SLC4A1AP: variants seen among roughly 807,000 people sequenced by gnomAD.
SLC4A1AP encodes kanadaptin.
Under a neutral mutation model 89.7 loss-of-function variants are expected in SLC4A1AP, and 64 were observed. The observed-to-expected ratio is 0.71, with a 90% CI of 0.58 to 0.88. SLC4A1AP has a LOEUF of 0.88. SLC4A1AP is among the 40% of genes least tolerant of loss of function. The probability of loss-of-function intolerance (pLI) is 0.00; values close to 1 mark genes in which losing one functional copy is unlikely to be tolerated. For missense variants in SLC4A1AP, 931 were observed against 965.0 expected, an observed-to-expected ratio of 0.96 and a Z score of 0.47; for synonymous variants, 366 against 353.3, an observed-to-expected ratio of 1.04 and a Z score of -0.40.
At chr2:27,670,586 G>C (rs1392279758) in intron 5 of SLC4A1AP, among the ~76,000 whole-genome samples, 2 of 151,708 alleles carry the variant, frequency 1.3e-5, no homozygotes, top group Non-Finnish European at 2.9e-5. Context: ...GCCGGGCGCG[G>C]TTGCTCACGC....
chr2:27,681,711 T>A (rs1675622706), intron 8 of SLC4A1AP, among the ~76,000 whole-genome samples: 1 of 152,104 alleles, frequency 6.6e-6, no homozygotes, highest in Non-Finnish European at 1.5e-5. Flanking sequence ...TTTCTAACTA[T>A]CTCCAGCCGT....
At position 27,669,238 on chromosome 2, in the gene SLC4A1AP, A is replaced by G. The variant is rs1482187164; in HGVS notation, c.1206-10A>G. 1 of 1,599,648 alleles carries G rather than the reference A, an allele frequency of 6.3e-7. No individual in the cohort carries two copies. Among genetic ancestry groups the G allele is most frequent in the South Asian group, 1.1e-5 (1 of 88,296 alleles). On this transcript the variant is annotated splice_polypyrimidine_tract_variant and intron_variant, in intron 4 of 13. Coordinates refer to ENST00000613058, the Ensembl canonical transcript of SLC4A1AP. ...AATGCTGTGCTATAATTCCCACCAA[A>G]TCAATGAAGATTACCTGTGGACGAT...
chr2:27,689,743 T>C (rs906661039), intron 12 of SLC4A1AP, among the ~76,000 whole-genome samples: 7 of 152,228 alleles, frequency 4.6e-5, no homozygotes, highest in Non-Finnish European at 1.0e-4. Context: ...TTAGGCACAA[T>C]GAGCCATTCT....
intron 5 of SLC4A1AP, among the ~76,000 whole-genome samples, chr2:27,671,345 AT>A (rs1314696675): frequency 8.5e-5 from 13 of 152,206 alleles, no homozygotes; most frequent in Non-Finnish European, 1.9e-4. Context: ...TTATGCAAAT[AT>A]TAGTTATAAC....
intron 5 of SLC4A1AP, among the ~76,000 whole-genome samples, chr2:27,671,081 C>A (rs1422189856): frequency 6.6e-6 from 1 of 151,530 alleles, no homozygotes; most frequent in African/African-American, 2.4e-5. Flanking sequence ...GTGCTCCACA[C>A]CCAGCTAATT....
chr2:27,670,699 A>C (rs895384085), intron 5 of SLC4A1AP, among the ~76,000 whole-genome samples: 2 of 150,976 alleles, frequency 1.3e-5, no homozygotes, highest in African/African-American at 4.9e-5. Flanking sequence ...TACCAAAAAT[A>C]CAAAAAAAAA....
intron 6 of SLC4A1AP, 113 bp downstream of exon 6, chr2:27,675,805 T>G (rs1002853369): frequency 4.5e-6 from 3 of 666,114 alleles, no homozygotes; most frequent in African/African-American, 3.8e-5. Flanking sequence ...CATTGAAATC[T>G]GATACTGAAG....
intron 2 of SLC4A1AP, among the ~76,000 whole-genome samples, chr2:27,666,143 CAT>C (rs1044834372): frequency 3.3e-5 from 5 of 152,108 alleles, no homozygotes; most frequent in Admixed American, 6.5e-5. Context: ...ATATTGATGA[CAT>C]GTTGAAATGA....
At chr2:27,664,146 CAGG>C in exon 1 of SLC4A1AP, 1 of 1,614,168 alleles carries the variant, frequency 6.2e-7, no homozygotes, top group Non-Finnish European at 8.5e-7. Context: ...TAGGAGTCTA[CAGG>C]AGGAGCAGTC....
At chr2:27,663,933 C>G (rs201754995) in exon 1 of SLC4A1AP, 21 of 1,614,210 alleles carry the variant, frequency 1.3e-5, no homozygotes, top group Admixed American at 8.3e-5. Flanking sequence ...CATTCTCTCT[C>G]AGTCAGAGAC....
rs944723537 is a variant in SLC4A1AP, at chr2:27,665,033, G to C, written c.826-67G>C. On this transcript the variant is annotated intron_variant, in intron 1 of 13. Transcript: ENST00000613058. ...ATTACAGCCACTGCACTCCAGTCCAGCCTAGGCGACAGAGCAAGACCCTGT... is the reference window on the plus strand; with the variant it reads ...ATTACAGCCACTGCACTCCAGTCCACCCTAGGCGACAGAGCAAGACCCTGT... 2.8e-5 allele frequency: 38 copies of C among 1,351,870 alleles called. No individual in the cohort carries two copies. In the Middle Eastern group the frequency reaches 5.7e-4, roughly 20 times the overall value. 83.7% of individuals were successfully genotyped at this position (1,351,870 alleles called of 1,614,324 possible).
intron 5 of SLC4A1AP, among the ~76,000 whole-genome samples, chr2:27,674,000 G>A (rs1410305477): frequency 1.4e-4 from 5 of 36,714 alleles, no homozygotes; most frequent in African/African-American, 5.2e-4. Context: ...TTGTGTGTGT[G>A]TGTGTGTGTG....
intron 10 of SLC4A1AP, among the ~76,000 whole-genome samples, chr2:27,685,505 C>G (rs1675690838): frequency 6.6e-6 from 1 of 152,138 alleles, no homozygotes; most frequent in Non-Finnish European, 1.5e-5. Flanking sequence ...TCCAGAATTA[C>G]AGAAAATTGA....
intron 7 of SLC4A1AP, among the ~76,000 whole-genome samples, 165 bp downstream of exon 7, chr2:27,677,529 A>G (rs1414745694): frequency 6.6e-6 from 1 of 152,184 alleles, no homozygotes; most frequent in East Asian, 1.9e-4. Flanking sequence ...ATTTGGTTTA[A>G]CCTCTTTATT....
intron 3 of SLC4A1AP, among the ~76,000 whole-genome samples, chr2:27,667,987 A>G (rs539858066): frequency 8.5e-5 from 13 of 152,188 alleles, no homozygotes; most frequent in Non-Finnish European, 1.5e-4. Context: ...AGTGAAACAT[A>G]CTATACAGTG....
intron 8 of SLC4A1AP, 38 bp from the exon 9 acceptor site, chr2:27,682,210 C>A: frequency 1.4e-6 from 2 of 1,386,114 alleles, no homozygotes; most frequent in South Asian, 1.2e-5. Flanking sequence ...CCTTGGGACT[C>A]CCTGGAATAG....
exon 1 of SLC4A1AP, chr2:27,664,183 C>T (rs746397844): frequency 1.9e-6 from 3 of 1,614,100 alleles, no homozygotes; most frequent in East Asian, 4.5e-5. Context: ...GCGGTTTCTT[C>T]CCCTGGCGGT....
At chr2:27,682,668 G>A (rs1415124630) in intron 9 of SLC4A1AP, among the ~76,000 whole-genome samples, 3 of 152,136 alleles carry the variant, frequency 2.0e-5, no homozygotes, top group Admixed American at 2.0e-4. Context: ...GGGACTACAG[G>A]CGTGCTCCAC....
intron 12 of SLC4A1AP, among the ~76,000 whole-genome samples, chr2:27,691,040 G>T (rs1212999218): frequency 6.6e-6 from 1 of 151,926 alleles, no homozygotes; most frequent in East Asian, 1.9e-4. Flanking sequence ...GTATCAGGGC[G>T]ATATTAGCTT....
Sources: allele counts gnomAD v4.1 joint callset (sites outside exome capture counted in the v4.1 genomes callset), GRCh38; gene constraint gnomAD v4.1.1; transcripts MANE v1.5; gene names NCBI Gene and HGNC (gene_info 2026-07-23, HGNC 2026-07-21).